FBXL17: variants seen among roughly 807,000 people sequenced by gnomAD.
FBXL17 encodes the protein F-box/LRR-repeat protein 17.
Under a neutral mutation model 66.2 loss-of-function variants are expected in FBXL17, and 22 were observed. The observed-to-expected ratio is 0.33, with a 90% CI of 0.24 to 0.47. FBXL17 has a LOEUF of 0.47. FBXL17 is among the 20% of genes least tolerant of loss of function. The pLI is 1.00. For missense variants in FBXL17, 878 were observed against 948.2 expected (o/e 0.93, Z 0.97); for synonymous variants, 474 against 400.5 (o/e 1.18, Z -2.19).
chr5:108,295,853 C>A (rs556415599), intron 4 of FBXL17, among the ~76,000 whole-genome samples: 37 of 150,972 alleles, frequency 2.5e-4, no homozygotes, highest in African/African-American at 8.7e-4. Context: ...AAAGTTCTAG[C>A]GAGTGACATT....
At chr5:107,925,934 T>C (rs1750510958) in intron 7 of FBXL17, among the ~76,000 whole-genome samples, 1 of 152,226 alleles carries the variant, frequency 6.6e-6, no homozygotes, top group African/African-American at 2.4e-5. Flanking sequence ...TTTTTTGCAT[T>C]TCTTGTAACA....
At chr5:108,215,824 A>G (rs928297505) in intron 5 of FBXL17, among the ~76,000 whole-genome samples, 9 of 152,148 alleles carry the variant, frequency 5.9e-5, no homozygotes, top group Admixed American at 5.9e-4. Context: ...CATGTTTCAT[A>G]GTTTTAACTC....
At chr5:108,299,518 G>A (rs535334706) in intron 4 of FBXL17, 45 of 949,744 alleles carry the variant, frequency 4.7e-5, no homozygotes, top group Non-Finnish European at 5.6e-5. Context: ...AAACAGGAGG[G>A]CTAATTTCTA....
At chr5:108,106,488 G>A (rs1488409329) in intron 6 of FBXL17, among the ~76,000 whole-genome samples, 2 of 152,114 alleles carry the variant, frequency 1.3e-5, no homozygotes, top group Non-Finnish European at 2.9e-5. Context: ...CAAAAAAGTA[G>A]CAACAACCAG....
chr5:107,995,971 C>A (rs1400445881), intron 7 of FBXL17, among the ~76,000 whole-genome samples: 1 of 152,104 alleles, frequency 6.6e-6, no homozygotes, highest in Non-Finnish European at 1.5e-5. Flanking sequence ...AGACAATACA[C>A]CTCAACAGAT....
chr5:107,907,073 G>A (rs1749785482), intron 7 of FBXL17, among the ~76,000 whole-genome samples: 2 of 152,132 alleles, frequency 1.3e-5, no homozygotes. Flanking sequence ...GACATATATA[G>A]TAATTCATTG....
At chr5:108,369,738 T>C (rs919062093) in intron 1 of FBXL17, among the ~76,000 whole-genome samples, 2 of 151,986 alleles carry the variant, frequency 1.3e-5, no homozygotes, top group Admixed American at 1.3e-4. Flanking sequence ...AAAAGCTTTA[T>C]CAACAAATAC....
chr5:107,957,637 G>C (rs1165162705), intron 7 of FBXL17, among the ~76,000 whole-genome samples: 1 of 152,076 alleles, frequency 6.6e-6, no homozygotes, highest in East Asian at 1.9e-4. Flanking sequence ...CACCTATACA[G>C]TTCTGCGCTC....
intron 1 of FBXL17, among the ~76,000 whole-genome samples, chr5:108,379,221 G>T (rs1213588060): frequency 6.6e-6 from 1 of 152,050 alleles, no homozygotes; most frequent in Non-Finnish European, 1.5e-5. Context: ...AAGGTACCTG[G>T]CTTTGTTTTG....
At chr5:108,165,255 T>C (rs1246394379) in intron 6 of FBXL17, among the ~76,000 whole-genome samples, 4 of 152,168 alleles carry the variant, frequency 2.6e-5, no homozygotes, top group Admixed American at 1.3e-4. Flanking sequence ...CAGGCACCAA[T>C]TGCAAAATAT....
chr5:108,219,802 A>G (rs2150071059), intron 5 of FBXL17, among the ~76,000 whole-genome samples: 1 of 152,164 alleles, frequency 6.6e-6, no homozygotes. Context: ...GTTTTTTTTG[A>G]TCAGTGTGAC....
At chr5:108,222,386 T>C (rs1754903316) in intron 5 of FBXL17, among the ~76,000 whole-genome samples, 1 of 152,224 alleles carries the variant, frequency 6.6e-6, no homozygotes, top group Non-Finnish European at 1.5e-5. Context: ...AACATTCATC[T>C]ACCAAGATGT....
intron 3 of FBXL17, among the ~76,000 whole-genome samples, chr5:108,363,371 T>C (rs1748465049): frequency 6.6e-6 from 1 of 151,872 alleles, no homozygotes; most frequent in South Asian, 2.1e-4. Flanking sequence ...CGGTCTTAAG[T>C]ACAGAAAAAT....
chr5:108,332,967 T>C (rs1223705090), intron 4 of FBXL17, among the ~76,000 whole-genome samples: 6 of 88,032 alleles, frequency 6.8e-5, no homozygotes, highest in Non-Finnish European at 1.2e-4. Flanking sequence ...AAAAAAAGAG[T>C]CTATAGTTAA....
chr5:108,160,452 AGAG>A (rs1208649961), intron 6 of FBXL17, among the ~76,000 whole-genome samples: 2 of 152,192 alleles, frequency 1.3e-5, no homozygotes, highest in Non-Finnish European at 2.9e-5. Context: ...TGTGAAACAA[AGAG>A]AAGAAGAAGA....
chr5:108,328,280 T>C (rs745520231), intron 4 of FBXL17, among the ~76,000 whole-genome samples: 12 of 152,014 alleles, frequency 7.9e-5, no homozygotes, highest in Non-Finnish European at 1.6e-4. Flanking sequence ...TATTAAACTA[T>C]TTGGTGGTCT....
chr5:108,288,564 C>T (rs2966829), intron 4 of FBXL17, among the ~76,000 whole-genome samples: 117,156 of 151,888 alleles, frequency 0.77, 45,785 homozygotes, highest in East Asian at 0.93. Context: ...AATGTTCACA[C>T]AGTAATGATA....
intron 4 of FBXL17, among the ~76,000 whole-genome samples, chr5:108,240,150 G>A (rs963208814): frequency 6.6e-6 from 1 of 151,848 alleles, no homozygotes; most frequent in Admixed American, 6.6e-5. Context: ...GTGGCTATAG[G>A]GAAAAAAACT....
chr5:108,035,295 C>T lies in FBXL17; in HGVS notation c.1746-14294G>A, dbSNP rs377546419. On this transcript the variant is annotated intron_variant, in intron 6 of 8. Transcript: ENST00000542267. ...AAATCTCTCATAATAGCTAGCATAA[C>T]AAATGCCAAACATTAATTATAAAAA... is the stretch of plus-strand genomic sequence containing the variant. Among the ~76,000 whole-genome samples the T allele has an allele frequency of 1.0e-3, 156 of 152,272 alleles. 4 individuals are homozygous for T. In the South Asian group the frequency reaches 0.029, roughly 28 times the overall value.
Sources: allele counts gnomAD v4.1 joint callset (sites outside exome capture counted in the v4.1 genomes callset), GRCh38; gene constraint gnomAD v4.1.1; transcripts MANE v1.5; gene names NCBI Gene and HGNC (gene_info 2026-07-23, HGNC 2026-07-21).